DOCK3: variants seen among roughly 807,000 people sequenced by gnomAD.
DOCK3 encodes dedicator of cytokinesis 3.
Under a neutral mutation model 265.6 loss-of-function variants are expected in DOCK3, and 60 were observed. The observed-to-expected ratio is 0.23, with a 90% CI of 0.18 to 0.28. DOCK3 has a LOEUF of 0.28. Among genes scored for constraint, DOCK3 ranks in the 10% least tolerant of loss-of-function variants. The probability of loss-of-function intolerance (pLI) is 1.00; values close to 1 mark genes in which losing one functional copy is unlikely to be tolerated. For synonymous variants in DOCK3, 881 were observed against 938.0 expected, an observed-to-expected ratio of 0.94 and a Z score of 1.11; for missense variants, 1,981 against 2,594.3, an observed-to-expected ratio of 0.76 and a Z score of 5.14.
At chr3:51,098,354 C>T (rs1205272594) in intron 9 of DOCK3, among the ~76,000 whole-genome samples, 1 of 152,182 alleles carries the variant, frequency 6.6e-6, no homozygotes, top group African/African-American at 2.4e-5. Context: ...TGTGCCTGGC[C>T]CAAAGTCCCA....
At chr3:51,064,897 C>T (rs1250946894) in intron 6 of DOCK3, among the ~76,000 whole-genome samples, 1 of 152,164 alleles carries the variant, frequency 6.6e-6, no homozygotes, top group Non-Finnish European at 1.5e-5. Context: ...CTTGATTCTA[C>T]ACCTCCTAAT....
chr3:51,138,728 G>A (rs1034751297), intron 9 of DOCK3, among the ~76,000 whole-genome samples: 2 of 152,170 alleles, frequency 1.3e-5, no homozygotes, highest in African/African-American at 4.8e-5. Flanking sequence ...TATAATGTGA[G>A]GATGAGAGCA....
intron 1 of DOCK3, among the ~76,000 whole-genome samples, chr3:50,718,852 T>C (rs1354638718): frequency 7.0e-6 from 1 of 143,414 alleles, no homozygotes; most frequent in African/African-American, 2.5e-5. Flanking sequence ...TGGCACGATC[T>C]CGGCTCACTT....
chr3:51,158,412 G>A (rs1056475296), intron 10 of DOCK3, among the ~76,000 whole-genome samples: 2 of 152,064 alleles, frequency 1.3e-5, no homozygotes, highest in African/African-American at 4.8e-5. Flanking sequence ...TGGGCATGAT[G>A]GTGCACACCT....
chr3:50,914,289 G>A (rs1399237411), intron 4 of DOCK3, among the ~76,000 whole-genome samples: 1 of 151,560 alleles, frequency 6.6e-6, no homozygotes, highest in Non-Finnish European at 1.5e-5. Flanking sequence ...GTTCATTTGA[G>A]GTTGTTCATT....
intron 9 of DOCK3, among the ~76,000 whole-genome samples, chr3:51,113,980 A>T (rs747600756): frequency 2.0e-5 from 3 of 152,068 alleles, no homozygotes; most frequent in African/African-American, 7.2e-5. Flanking sequence ...ATGGTGGCAC[A>T]TGCTTGTAGT....
At chr3:51,260,352 A>G (rs764427342) in intron 23 of DOCK3, 26 bp downstream of exon 23, 1 of 1,575,150 alleles carries the variant, frequency 6.3e-7, no homozygotes, top group Non-Finnish European at 8.6e-7. Flanking sequence ...GGAAGCTTTG[A>G]TGCTGGGTTC....
At chr3:50,719,706 T>C in intron 1 of DOCK3, 1 of 1,466,312 alleles carries the variant, frequency 6.8e-7, no homozygotes, top group South Asian at 1.1e-5. Context: ...ACTTGTATGC[T>C]TCAGAGTGAA....
At chr3:51,203,069 C>T (rs9842613) in intron 12 of DOCK3, among the ~76,000 whole-genome samples, 15,591 of 152,002 alleles carry the variant, frequency 0.1, 1,050 homozygotes, top group East Asian at 0.25. Context: ...TCATATTGAA[C>T]GGGCAAAAAC....
intron 7 of DOCK3, among the ~76,000 whole-genome samples, chr3:51,080,436 T>C (rs2082187713): frequency 6.6e-6 from 1 of 152,144 alleles, no homozygotes; most frequent in Non-Finnish European, 1.5e-5. Context: ...GTAGCAAACA[T>C]GGAAACAATG....
At chr3:51,075,249 C>A in intron 6 of DOCK3, 107 bp from the exon 7 acceptor site, 2 of 834,548 alleles carry the variant, frequency 2.4e-6, no homozygotes, top group Non-Finnish European at 3.8e-6. Context: ...AGGACAGTGT[C>A]TGATCCTCTG....
At chr3:50,976,704 C>T (rs1476158628) in intron 5 of DOCK3, among the ~76,000 whole-genome samples, 1 of 151,712 alleles carries the variant, frequency 6.6e-6, no homozygotes, top group African/African-American at 2.4e-5. Flanking sequence ...TCCTTGTTGA[C>T]TTTCTGTCTT....
chr3:50,819,563 A>G (rs1034683240), intron 2 of DOCK3, among the ~76,000 whole-genome samples: 9 of 152,220 alleles, frequency 5.9e-5, no homozygotes, highest in African/African-American at 2.2e-4. Context: ...CCAGAACCAG[A>G]TGGCGACAAA....
intron 19 of DOCK3, among the ~76,000 whole-genome samples, chr3:51,232,416 G>A (rs1010853702): frequency 6.6e-6 from 1 of 152,128 alleles, no homozygotes; most frequent in African/African-American, 2.4e-5. Context: ...GGATTGAATG[G>A]TAGATCTACT....
At chr3:51,080,066 T>G (rs1279513855) in intron 7 of DOCK3, among the ~76,000 whole-genome samples, 2 of 152,254 alleles carry the variant, frequency 1.3e-5, no homozygotes, top group Admixed American at 1.3e-4. Context: ...AGTAATTGTA[T>G]ATGCTTCATC....
chr3:50,815,959 G>T (rs1017729174), intron 2 of DOCK3, among the ~76,000 whole-genome samples: 2 of 152,026 alleles, frequency 1.3e-5, no homozygotes, highest in Admixed American at 1.3e-4. Flanking sequence ...TTTTGTAAGG[G>T]TTAAAGCAGA....
At chr3:51,116,892 A>G (rs187499152) in intron 9 of DOCK3, among the ~76,000 whole-genome samples, 10 of 152,224 alleles carry the variant, frequency 6.6e-5, no homozygotes, top group Non-Finnish European at 1.2e-4. Flanking sequence ...TAAATATACC[A>G]TCATGTAATC....
At chr3:50,719,529 C>T (rs963945677) in intron 1 of DOCK3, 7 of 1,123,778 alleles carry the variant, frequency 6.2e-6, no homozygotes, top group African/African-American at 4.6e-5. Context: ...CTGGTCTTGC[C>T]GTTTCTGGAT....
At chr3:51,326,777 A>G (rs1277924324) in intron 32 of DOCK3, among the ~76,000 whole-genome samples, 3 of 151,450 alleles carry the variant, frequency 2.0e-5, no homozygotes, top group Non-Finnish European at 4.4e-5. Context: ...GTGCACCACC[A>G]TGCCCAGCTA....
Sources: allele counts gnomAD v4.1 joint callset (sites outside exome capture counted in the v4.1 genomes callset), GRCh38; gene constraint gnomAD v4.1.1; transcripts MANE v1.5; gene names NCBI Gene and HGNC (gene_info 2026-07-23, HGNC 2026-07-21).